Variants in PI16 observed in about 807,000 individuals in gnomAD.
PI16 encodes PSP94-binding protein.
Under a neutral mutation model 38.0 loss-of-function variants are expected in PI16, and 35 were observed. That is an observed-to-expected ratio of 0.92 (90% CI 0.70 to 1.22). The LOEUF is 1.22. Among genes scored for constraint, PI16 ranks in the 50% most tolerant of loss-of-function variants. PI16 has a pLI of 0.00. For missense variants in PI16, 572 were observed against 593.8 expected (o/e 0.96, Z 0.38); for synonymous variants, 275 against 252.9 (o/e 1.09, Z -0.83).
chr6:36,951,856 G>A (rs568850966), upstream of PI16, among the ~76,000 whole-genome samples: 7 of 152,108 alleles, frequency 4.6e-5, no homozygotes, highest in African/African-American at 7.2e-5. Context: ...CCAAGATTGC[G>A]CGAGTGCACT....
At position 36,962,068 on chromosome 6, in the gene PI16, G is replaced by C; in HGVS notation, c.592+94G>C. 4.5e-6 allele frequency: 5 copies of C among 1,121,284 alleles called. No individual in the cohort carries two copies. The South Asian group carries it at 6.5e-5, about 15-fold the overall frequency. 69.5% of individuals were successfully genotyped at this position (1,121,284 alleles called of 1,614,324 possible). The stretch of plus-strand genomic sequence containing the variant: ...AGAGCCTCCCTGGACTGAGCGGGAC[G>C]TGGGCAGGGAAGGAGCCTGGTGGGA... On this transcript the variant is annotated intron_variant, in intron 4 of 6. Transcript: ENST00000373674. The surrounding 1 kb of genome is among the most constrained non-coding windows in gnomAD (Gnocchi z 4.1).
upstream of PI16, among the ~76,000 whole-genome samples, chr6:36,950,851 G>A (rs1415820567): frequency 6.6e-6 from 1 of 152,096 alleles, no homozygotes; most frequent in Non-Finnish European, 1.5e-5. This position sits in a 1 kb window ranked among gnomAD's most constrained non-coding sequence, Gnocchi z 4.2. Context: ...CCAAGTCCCT[G>A]CTTTTAACTC....
At chr6:36,953,519 AGTGTGT>A (rs61386206), upstream of PI16, among the ~76,000 whole-genome samples, 2 of 150,922 alleles carry the variant, frequency 1.3e-5, no homozygotes, top group African/African-American at 2.4e-5. Flanking sequence ...AATTCTAATA[AGTGTGT>A]GTGTGTGTGT....
chr6:36,959,883 A>ATT (rs1318152586), intron 2 of PI16, among the ~76,000 whole-genome samples: 40 of 150,424 alleles, frequency 2.7e-4, no homozygotes, highest in East Asian at 5.8e-4. Context: ...AAAAAAAAAA[A>ATT]AATTAAATAA....
upstream of PI16, among the ~76,000 whole-genome samples, chr6:36,951,380 G>A (rs1763097812): frequency 6.6e-6 from 1 of 152,014 alleles, no homozygotes; most frequent in Non-Finnish European, 1.5e-5. Flanking sequence ...CTTCCTAGTA[G>A]CTGGGACTAC....
intron 3 of PI16, 76 bp from the exon 4 acceptor site, chr6:36,961,810 G>A (rs1657160627): frequency 8.1e-7 from 1 of 1,241,120 alleles, no homozygotes; most frequent in Non-Finnish European, 1.2e-6. Context: ...TCCAGAGTAG[G>A]TGTGTGTATA....
In PI16 at chr6:36,961,961, G is replaced by T. The variant is rs774586020; in HGVS notation, c.579G>T (p.Lys193Asn). 4.3e-6 allele frequency: 7 copies of T among 1,613,880 alleles called. No individual in the cohort carries two copies. Among genetic ancestry groups the T allele is most frequent in the South Asian group, 1.1e-5 (1 of 91,090 alleles). The change falls in exon 4 of 7, where the codon AAG becomes AAT. Residue 193 changes from lysine to asparagine, a missense_variant. Coordinates refer to ENST00000373674, the MANE Select transcript of PI16 (RefSeq NM_153370.3). ...AATGTCCCTCTGGCTACCACTGCAA[G>T]AACTCCCTCTGTGGTGAGTCCACGG... ...CSQCPSGYHCKNSLCEPIGSP... is the reference protein window; with the variant it reads ...CSQCPSGYHCNNSLCEPIGSP...
chr6:36,963,764 G>A (rs1365727371), intron 5 of PI16, 59 bp from the exon 6 acceptor site: 2 of 1,536,292 alleles, frequency 1.3e-6, no homozygotes, highest in East Asian at 4.6e-5. Flanking sequence ...ATGGTGGGGT[G>A]GGCGGGACAT....
upstream of PI16, among the ~76,000 whole-genome samples, chr6:36,950,686 G>A (rs1044721682): frequency 6.6e-6 from 1 of 152,120 alleles, no homozygotes; most frequent in Non-Finnish European, 1.5e-5. The surrounding 1 kb of genome is among the most constrained non-coding windows in gnomAD (Gnocchi z 4.2). Flanking sequence ...TGGGATTACA[G>A]GCATGTGCCA....
In PI16 at chr6:36,962,652, TA is replaced by T. The variant is rs1246038946; in HGVS notation, c.593-282del. On this transcript the variant is annotated intron_variant, in intron 4 of 6. Transcript: ENST00000373674. This position sits in a 1 kb window ranked among gnomAD's most constrained non-coding sequence, Gnocchi z 4.1. ...CCACGCCTGGCTAATTTTGTATTTT[TA>T]GTAGAGATGGGGTTTCTCCATGTTG... Among the ~76,000 whole-genome samples, 1 of 152,242 alleles carries T rather than the reference TA, an allele frequency of 6.6e-6. No homozygotes were observed. The highest frequency in any genetic ancestry group is 1.9e-4 in the East Asian group (1 of 5,180).
chr6:36,950,439 A>T (rs150061981), upstream of PI16, among the ~76,000 whole-genome samples: 332 of 152,264 alleles, frequency 2.2e-3, 1 homozygote, highest in Middle Eastern at 0.01. This position sits in a 1 kb window ranked among gnomAD's most constrained non-coding sequence, Gnocchi z 4.2. Context: ...TGTATACTAC[A>T]CTATTAGTTC....
At chr6:36,958,338 C>T (rs1487893299) in intron 1 of PI16, among the ~76,000 whole-genome samples, 1 of 152,210 alleles carries the variant, frequency 6.6e-6, no homozygotes, top group African/African-American at 2.4e-5. Flanking sequence ...CCTCTTCCCA[C>T]CCACACTCGG....
upstream of PI16, among the ~76,000 whole-genome samples, chr6:36,952,223 A>G (rs1035300675): frequency 6.6e-6 from 1 of 151,958 alleles, no homozygotes; most frequent in Admixed American, 6.6e-5. Flanking sequence ...CGAACTCTTG[A>G]CCTCAAGTGA....
intron 1 of PI16, among the ~76,000 whole-genome samples, chr6:36,956,292 A>C (rs1763204640): frequency 6.6e-6 from 1 of 152,190 alleles, no homozygotes; most frequent in Non-Finnish European, 1.5e-5. Flanking sequence ...CTCTGCCAAC[A>C]GCTCCCTGAT....
chr6:36,958,621 C>T (rs1763265758), intron 1 of PI16, among the ~76,000 whole-genome samples: 1 of 151,208 alleles, frequency 6.6e-6, no homozygotes. Flanking sequence ...AGGGTAAAGG[C>T]ATGGGGGCTG....
At chr6:36,963,678 T>G in intron 5 of PI16, 66 bp downstream of exon 5, 1 of 1,573,430 alleles carries the variant, frequency 6.4e-7, no homozygotes, top group Non-Finnish European at 8.7e-7. Context: ...TGCCCCAGCA[T>G]AGGTGGTATG....
intron 1 of PI16, among the ~76,000 whole-genome samples, chr6:36,957,223 C>T (rs764253393): frequency 4.6e-5 from 7 of 152,192 alleles, no homozygotes; most frequent in African/African-American, 9.6e-5. Flanking sequence ...CCTCCTCTCC[C>T]GCTTGCCCTT....
At position 36,962,626 on chromosome 6, in the gene PI16, A is replaced by G. The variant is rs541699429; in HGVS notation, c.593-309A>G. ...GTAGCTGGGACTACAGGCACGCGCC[A>G]CCACGCCTGGCTAATTTTGTATTTT... is the stretch of plus-strand genomic sequence containing the variant. On this transcript the variant is annotated intron_variant, in intron 4 of 6. Transcript: ENST00000373674. The surrounding 1 kb of genome is among the most constrained non-coding windows in gnomAD (Gnocchi z 4.1). 6.6e-6 allele frequency among the ~76,000 whole-genome samples: 1 copy of G among 152,200 alleles called. No homozygotes were observed. The highest frequency in any genetic ancestry group is 1.9e-4 in the East Asian group (1 of 5,174).
At chr6:36,953,107 C>A (rs144590184), upstream of PI16, among the ~76,000 whole-genome samples, 277 of 152,192 alleles carry the variant, frequency 1.8e-3, no homozygotes, top group Middle Eastern at 0.01. Context: ...ATCACGAGGT[C>A]AAGAGATCAA....
Sources: allele counts gnomAD v4.1 joint callset (sites outside exome capture counted in the v4.1 genomes callset), GRCh38; gene constraint gnomAD v4.1.1; non-coding constraint Gnocchi (gnomAD v3.1); transcripts MANE v1.5; gene names NCBI Gene and HGNC (gene_info 2026-07-23, HGNC 2026-07-21).